TRIM37: variants seen among roughly 807,000 people sequenced by gnomAD.
The protein encoded by TRIM37 is tripartite motif containing 37.
A neutral mutation model predicts 129.8 loss-of-function variants in TRIM37; 80 were observed. That is an observed-to-expected ratio of 0.62 (90% CI 0.51 to 0.74). The LOEUF is 0.74. Ranked by LOEUF, TRIM37 falls within the 30% of genes least tolerant of loss-of-function variation. TRIM37 has a pLI of 0.00. For missense variants in TRIM37, 1,054 were observed against 1,176.5 expected (o/e 0.90, Z 1.52); for synonymous variants, 389 against 387.1 (o/e 1.00, Z -0.06).
the TRIM37 span, chr17:58,972,181 T>C: frequency 1.2e-6 from 2 of 1,614,124 alleles, no homozygotes; most frequent in South Asian, 1.1e-5. Flanking sequence ...AGAGGCAACA[T>C]GCTACATGTG....
At chr17:59,001,454 T>TAA (rs372784759) in intron 23 of TRIM37, 144 bp downstream of exon 23, 600 of 775,796 alleles carry the variant, frequency 7.7e-4, no homozygotes, top group Middle Eastern at 1.6e-3. Context: ...TGACAATAAT[T>TAA]AAAAAAAAAA....
chr17:59,035,821 C>T (rs1306253874), intron 17 of TRIM37, among the ~76,000 whole-genome samples: 1 of 151,872 alleles, frequency 6.6e-6, no homozygotes, highest in Admixed American at 6.6e-5. Context: ...GAAAAAAAAC[C>T]TCATAAAAAG....
At chr17:59,034,148 T>C (rs1053818240) in intron 17 of TRIM37, among the ~76,000 whole-genome samples, 2 of 151,852 alleles carry the variant, frequency 1.3e-5, no homozygotes, top group Non-Finnish European at 2.9e-5. Flanking sequence ...CAGGACTTTT[T>C]CCCAAAAAGC....
chr17:59,047,234 C>T (rs1048604238), intron 16 of TRIM37, among the ~76,000 whole-genome samples: 3 of 151,634 alleles, frequency 2.0e-5, no homozygotes, highest in Non-Finnish European at 4.4e-5. Flanking sequence ...ATGATCCTGA[C>T]AAAGGACATT....
In TRIM37 at chr17:59,062,589, C is replaced by G; in HGVS notation, c.920G>C (p.Cys307Ser). 6.2e-7 allele frequency: 1 copy of G among 1,614,020 alleles called. No individual in the cohort carries two copies. The highest frequency in any genetic ancestry group is 8.5e-7 in the Non-Finnish European group (1 of 1,179,924). ...TACTGGGTAAACTTTTAACCTCCAG[C>G]AAAGTCCTGAAACTTGAAGAGGTGG... ...YSPPLQVSGL[C>S]WRLKVYPDGN... The change falls in exon 11 of 24, where the codon TGC becomes TCC. Residue 307 changes from cysteine to serine, a missense_variant. Coordinates refer to ENST00000262294, the MANE Select transcript of TRIM37 (RefSeq NM_015294.6).
intron 2 of TRIM37, among the ~76,000 whole-genome samples, chr17:59,101,693 T>TACAC (rs752142449): frequency 1.7e-5 from 2 of 118,588 alleles, no homozygotes; most frequent in Non-Finnish European, 3.5e-5. Context: ...TATATATATA[T>TACAC]ATACACACAC....
intron 9 of TRIM37, among the ~76,000 whole-genome samples, chr17:59,066,557 A>C (rs1002070270): frequency 2.0e-5 from 3 of 152,230 alleles, no homozygotes; most frequent in African/African-American, 7.2e-5. Context: ...GAAAGCTTCC[A>C]GGCTAAAGAG....
rs763254094 is a variant in TRIM37, at chr17:59,106,424, C to T, written c.21+17G>A. On this transcript the variant is annotated intron_variant, in intron 1 of 23. Coordinates refer to ENST00000262294, the MANE Select transcript of TRIM37 (RefSeq NM_015294.6). ...GGTGGGGGCGGGGACTAACCACCAC[C>T]CTCACAACCCCCTCACCTCCACGCT... is the stretch of plus-strand genomic sequence containing the variant. The T allele has an allele frequency of 1.9e-6, 3 of 1,613,988 alleles. No individual in the cohort carries two copies.
intron 13 of TRIM37, among the ~76,000 whole-genome samples, chr17:59,054,827 G>A (rs536174520): frequency 6.6e-5 from 10 of 151,032 alleles, no homozygotes; most frequent in East Asian, 2.0e-4. Context: ...ACCACAGCCC[G>A]GCTAATTTTT....
the TRIM37 span, among the ~76,000 whole-genome samples, chr17:58,972,494 G>C: frequency 6.6e-6 from 1 of 152,078 alleles, no homozygotes; most frequent in Non-Finnish European, 1.5e-5. Flanking sequence ...GGGATTACAG[G>C]CATGTGCCAC....
At chr17:59,088,829 T>C (rs1312754477) in intron 3 of TRIM37, among the ~76,000 whole-genome samples, 2 of 150,484 alleles carry the variant, frequency 1.3e-5, no homozygotes, top group Non-Finnish European at 3.0e-5. Context: ...ACTAAAAAAA[T>C]AAAAAATAAA....
chr17:58,993,657 G>A (rs1316780887), downstream of TRIM37, among the ~76,000 whole-genome samples: 1 of 152,196 alleles, frequency 6.6e-6, no homozygotes, highest in East Asian at 1.9e-4. Flanking sequence ...CCTATAAAGG[G>A]CCAGCACAGG....
At chr17:59,090,225 A>C (rs932073114) in intron 3 of TRIM37, 4 of 152,336 alleles carry the variant, frequency 2.6e-5, no homozygotes, top group Non-Finnish European at 5.9e-5. Context: ...AAATAAATCA[A>C]GGTATAGTCA....
chr17:59,002,261 T>C (rs888839935), intron 22 of TRIM37, among the ~76,000 whole-genome samples: 4 of 152,156 alleles, frequency 2.6e-5, no homozygotes, highest in Non-Finnish European at 4.4e-5. Context: ...AGAGACAGGG[T>C]CTCGCTCTGT....
chr17:59,074,559 G>A (rs2042648744), intron 8 of TRIM37, among the ~76,000 whole-genome samples: 2 of 152,164 alleles, frequency 1.3e-5, no homozygotes, highest in African/African-American at 4.8e-5. Context: ...CAAGAAAAAT[G>A]TGTTCTGACT....
intron 13 of TRIM37, among the ~76,000 whole-genome samples, chr17:59,053,005 G>A (rs916278093): frequency 4.2e-5 from 5 of 117,890 alleles, no homozygotes; most frequent in Non-Finnish European, 9.7e-5. Flanking sequence ...ATCAAATCAA[G>A]AGATTAAATT....
At chr17:58,985,553 C>G (rs1050847411) in intron 24 of TRIM37, among the ~76,000 whole-genome samples, 1 of 152,124 alleles carries the variant, frequency 6.6e-6, no homozygotes, top group African/African-American at 2.4e-5. Context: ...GAGTTTCAAG[C>G]TAGAAGAAAG....
intron 2 of TRIM37, among the ~76,000 whole-genome samples, chr17:59,100,780 T>C (rs1015540003): frequency 1.3e-5 from 2 of 152,136 alleles, no homozygotes; most frequent in African/African-American, 4.8e-5. Flanking sequence ...CCTAGCACTT[T>C]GGGAGGCTGA....
chr17:59,076,366 C>G (rs1001297477), intron 7 of TRIM37, among the ~76,000 whole-genome samples: 1 of 152,164 alleles, frequency 6.6e-6, no homozygotes, highest in Non-Finnish European at 1.5e-5. Flanking sequence ...CATGGTGAGA[C>G]CCAGTCTCTA....
Sources: gnomAD v4.1 joint callset for allele counts (sites outside exome capture counted in the v4.1 genomes callset) on GRCh38, gnomAD v4.1.1 for gene constraint, MANE v1.5 for transcripts, NCBI Gene and HGNC (gene_info 2026-07-23, HGNC 2026-07-21) for gene names.